LYZL1: variants seen among roughly 807,000 people sequenced by gnomAD.
LYZL1 encodes lysozyme like 1, also known as lysozyme-like protein 1.
LYZL1 carries 16 observed loss-of-function variants against 17.9 expected under a neutral mutation model. That is an observed-to-expected ratio of 0.90 (90% CI 0.61 to 1.36). LYZL1 has a LOEUF of 1.36. Among genes scored for constraint, LYZL1 ranks in the 40% most tolerant of loss-of-function variants. LYZL1 has a pLI of 0.00. For synonymous variants in LYZL1, 58 were observed against 71.8 expected (o/e 0.81, Z 0.97); for missense variants, 149 against 188.4 (o/e 0.79, Z 1.22).
At position 29,307,985 on chromosome 10, in the gene LYZL1, G is replaced by A. The variant is rs149717860; in HGVS notation, c.299-2125G>A. Among the ~76,000 whole-genome samples the A allele has an allele frequency of 1.1e-4, 16 of 152,200 alleles. No homozygotes were observed. The South Asian group carries it at 1.9e-3, about 18-fold the overall frequency. On this transcript the variant is annotated intron_variant, in intron 3 of 4. Coordinates refer to ENST00000649382, the MANE Select transcript of LYZL1 (RefSeq NM_032517.6). The stretch of plus-strand genomic sequence containing the variant: ...CCTGCCTCTCTGTGCCCTTGTCAAC[G>A]TCAAGCATTACCCAATTCTCTAAAA...
At chr10:29,294,498 G>T (rs531345661) in intron 3 of LYZL1, among the ~76,000 whole-genome samples, 5 of 152,310 alleles carry the variant, frequency 3.3e-5, no homozygotes, top group East Asian at 3.9e-4. Context: ...TCAGTCAAAG[G>T]CATTTTCTCT....
At chr10:29,314,702 C>T (rs940554423), downstream of LYZL1, among the ~76,000 whole-genome samples, 1 of 152,226 alleles carries the variant, frequency 6.6e-6, no homozygotes. Context: ...TAAGACCTTG[C>T]ATCTAGAACA....
rs200312261 is a variant in LYZL1 at position 29,291,812 on chromosome 10, T to C, written c.-25-31T>C. 1.8e-5 allele frequency: 28 copies of C among 1,532,580 alleles called. 1 individual carries two copies. In the African/African-American group the frequency reaches 2.1e-4, roughly 12 times the overall value. The allele number at this position is 1,532,580 out of a possible 1,614,324, so 94.9% of individuals were successfully genotyped here. On this transcript the variant is annotated intron_variant, in intron 1 of 4. Transcript: ENST00000649382. ...GGATTTCAAAGTTCCTGAACCAAGATCGTCTGACCTGTTCTCCGGCTCTTT... is the reference window on the plus strand; with the variant it reads ...GGATTTCAAAGTTCCTGAACCAAGACCGTCTGACCTGTTCTCCGGCTCTTT...
intron 3 of LYZL1, among the ~76,000 whole-genome samples, chr10:29,305,788 C>T (rs1382695525): frequency 2.0e-5 from 3 of 152,176 alleles, no homozygotes; most frequent in African/African-American, 7.2e-5. Context: ...AATTAAGTCA[C>T]ATTCAGAATA....
downstream of LYZL1, among the ~76,000 whole-genome samples, chr10:29,312,699 G>T (rs577047245): frequency 6.6e-5 from 10 of 152,220 alleles, no homozygotes; most frequent in Middle Eastern, 3.4e-3. Context: ...CTTCTGCTCC[G>T]CACAGGGATG....
intron 3 of LYZL1, among the ~76,000 whole-genome samples, chr10:29,295,258 A>G (rs989126690): frequency 6.6e-6 from 1 of 152,170 alleles, no homozygotes; most frequent in Non-Finnish European, 1.5e-5. Flanking sequence ...CTTCTATATC[A>G]ATCCTAGTTT....
At chr10:29,316,627 G>GA (rs1217965430) in intron 3 of LYZL1, among the ~76,000 whole-genome samples, 5 of 149,350 alleles carry the variant, frequency 3.3e-5, no homozygotes, top group Admixed American at 1.3e-4. Flanking sequence ...TTCCAAAACT[G>GA]AAAAAAATCC....
intron 1 of LYZL1, among the ~76,000 whole-genome samples, chr10:29,290,311 A>G (rs1274027444): frequency 1.3e-5 from 2 of 152,150 alleles, no homozygotes; most frequent in Non-Finnish European, 2.9e-5. Context: ...AGGGGAAGAG[A>G]TTGTGGAAAA....
chr10:29,295,780 G>GA (rs1835439119), intron 3 of LYZL1, among the ~76,000 whole-genome samples: 1 of 152,164 alleles, frequency 6.6e-6, no homozygotes, highest in African/African-American at 2.4e-5. Flanking sequence ...GTGTGAGAGG[G>GA]ACTTCACCCA....
intron 1 of LYZL1, among the ~76,000 whole-genome samples, chr10:29,290,841 A>AAAATAAATAAATAAAT (rs147253753): frequency 4.6e-5 from 7 of 151,750 alleles, no homozygotes; most frequent in South Asian, 2.1e-4. Context: ...TCCATCTCAA[A>AAAATAAATAAATAAAT]AAATAAATAA....
At chr10:29,306,021 C>A (rs2132831551) in intron 3 of LYZL1, among the ~76,000 whole-genome samples, 1 of 152,288 alleles carries the variant, frequency 6.6e-6, no homozygotes, top group East Asian at 1.9e-4. Flanking sequence ...TAGTGCATTT[C>A]TACTGTAAAC....
intron 3 of LYZL1, among the ~76,000 whole-genome samples, chr10:29,295,188 G>C (rs565443918): frequency 4.6e-5 from 7 of 152,194 alleles, no homozygotes; most frequent in African/African-American, 1.7e-4. Context: ...TCTCCCGATT[G>C]TTGGTCAGCC....
At chr10:29,310,322 T>A (rs7087851) in intron 4 of LYZL1, 134 bp downstream of exon 4, 50,821 of 648,608 alleles carry the variant, frequency 0.078, 2,567 homozygotes, top group African/African-American at 0.19. Flanking sequence ...CTTGTCTATA[T>A]TCTCCTCCAT....
At chr10:29,307,512 C>A (rs572271977) in intron 3 of LYZL1, among the ~76,000 whole-genome samples, 109 of 152,322 alleles carry the variant, frequency 7.2e-4, no homozygotes, top group Middle Eastern at 3.4e-3. Context: ...CATCGGTCAA[C>A]AAATATAATT....
chr10:29,295,261 C>A (rs1434178466), intron 3 of LYZL1, among the ~76,000 whole-genome samples: 1 of 152,202 alleles, frequency 6.6e-6, no homozygotes, highest in African/African-American at 2.4e-5. Context: ...CTATATCAAT[C>A]CTAGTTTTTC....
At chr10:29,301,969 C>A (rs929127485) in intron 3 of LYZL1, among the ~76,000 whole-genome samples, 1 of 151,572 alleles carries the variant, frequency 6.6e-6, no homozygotes, top group African/African-American at 2.4e-5. Context: ...TTTCAGATAC[C>A]GTATTTTTTA....
intron 1 of LYZL1, among the ~76,000 whole-genome samples, chr10:29,289,917 G>A (rs868503020): frequency 6.6e-6 from 1 of 152,172 alleles, no homozygotes; most frequent in South Asian, 2.1e-4. Context: ...TACCAAATGG[G>A]TGTAGCTATG....
chr10:29,290,706 G>A (rs1283924689), intron 1 of LYZL1, among the ~76,000 whole-genome samples: 2 of 152,098 alleles, frequency 1.3e-5, no homozygotes, highest in African/African-American at 4.8e-5. Flanking sequence ...AGGTGTGGTG[G>A]TGGGCGCCTG....
intron 3 of LYZL1, among the ~76,000 whole-genome samples, chr10:29,296,727 G>A (rs949506715): frequency 6.6e-6 from 1 of 152,144 alleles, no homozygotes; most frequent in Admixed American, 6.5e-5. Flanking sequence ...TTTCTTCTAG[G>A]GATCTGGCCA....
Sources: allele counts gnomAD v4.1 joint callset (sites outside exome capture counted in the v4.1 genomes callset), GRCh38; gene constraint gnomAD v4.1.1; transcripts MANE v1.5; gene names NCBI Gene and HGNC (gene_info 2026-07-23, HGNC 2026-07-21).